Variants in SLC35F4 observed in about 807,000 individuals in gnomAD.
SLC35F4 encodes solute carrier family 35 member F4.
A neutral mutation model predicts 44.2 loss-of-function variants in SLC35F4; 24 were observed. That is an observed-to-expected ratio of 0.54 (90% CI 0.39 to 0.76). The LOEUF is 0.76. SLC35F4 is among the 30% of genes least tolerant of loss of function. The pLI is 0.00. For missense variants in SLC35F4, 562 were observed against 586.1 expected, an observed-to-expected ratio of 0.96 and a Z score of 0.42; for synonymous variants, 238 against 223.6, an observed-to-expected ratio of 1.06 and a Z score of -0.57.
intron 1 of SLC35F4, among the ~76,000 whole-genome samples, chr14:57,652,522 G>A (rs2073820760): frequency 6.6e-6 from 1 of 152,182 alleles, no homozygotes; most frequent in South Asian, 2.1e-4. Context: ...ACTGAGTCAT[G>A]TTCAGAGATG....
At chr14:57,805,045 G>C (rs1386440862) in intron 1 of SLC35F4, among the ~76,000 whole-genome samples, 5 of 152,124 alleles carry the variant, frequency 3.3e-5, no homozygotes, top group Non-Finnish European at 2.9e-5. Flanking sequence ...GATCATTAGA[G>C]AAATGAAAAT....
rs942448459 is a variant in SLC35F4, at chr14:57,576,964, T to C, written c.807+4250A>G. On this transcript the variant is annotated intron_variant, in intron 4 of 7. Transcript: ENST00000556826. ...AGCACAACCCAGCTGTCTCCTCTCT[T>C]GGCTATATTCATAAGTCATTGTCCT... 1.2e-4 allele frequency among the ~76,000 whole-genome samples: 18 copies of C among 152,234 alleles called. 1 individual carries two copies. The highest frequency in any genetic ancestry group is 4.3e-4 in the African/African-American group (18 of 41,542).
intron 1 of SLC35F4, among the ~76,000 whole-genome samples, chr14:57,642,704 C>T (rs2073307804): frequency 6.6e-6 from 1 of 151,628 alleles, no homozygotes; most frequent in Non-Finnish European, 1.5e-5. Flanking sequence ...GTATATAGGG[C>T]AGTGTCATAG....
In SLC35F4 at chr14:57,564,203, T is replaced by C. The variant is rs767821575; in HGVS notation, c.1390A>G (p.Thr464Ala). 3 of 1,613,578 alleles carry C rather than the reference T, an allele frequency of 1.9e-6. No homozygotes were observed. Among genetic ancestry groups the C allele is most frequent in the Non-Finnish European group, 2.5e-6 (3 of 1,179,824 alleles). ...CCCCGCAGGTGTATGCTGGGATCAG[T>C]CACATCATCCACATGCTCCTCACTC... ...KKSEEHVDDV[T>A]DPSIHLRGRG... The change falls in exon 8 of 8, where the codon ACT (threonine) becomes GCT (alanine). Residue 464 changes from threonine to alanine, a missense_variant. Transcript: ENST00000556826.
intron 1 of SLC35F4, among the ~76,000 whole-genome samples, chr14:57,814,386 C>G (rs1882334430): frequency 6.6e-6 from 1 of 152,158 alleles, no homozygotes; most frequent in African/African-American, 2.4e-5. Flanking sequence ...AGAGACAAAC[C>G]CAAAGACCTA....
chr14:57,710,197 G>C (rs1470313485), intron 1 of SLC35F4, among the ~76,000 whole-genome samples: 2 of 152,220 alleles, frequency 1.3e-5, no homozygotes, highest in Non-Finnish European at 2.9e-5. Flanking sequence ...GGCTAAAAGG[G>C]GCCAAGGTAC....
intron 1 of SLC35F4, among the ~76,000 whole-genome samples, chr14:57,919,209 T>C (rs568168815): frequency 2.2e-4 from 34 of 152,308 alleles, no homozygotes; most frequent in African/African-American, 6.7e-4. Context: ...CAGACTGGTA[T>C]ATGGTGAAGA....
chr14:57,825,289 G>A (rs1000312112), intron 1 of SLC35F4, among the ~76,000 whole-genome samples: 4 of 152,164 alleles, frequency 2.6e-5, no homozygotes, highest in African/African-American at 9.6e-5. Flanking sequence ...CCTTAGAAAT[G>A]TCTGGGAAAT....
chr14:57,586,650 G>A (rs1455406085), intron 3 of SLC35F4, among the ~76,000 whole-genome samples: 3 of 143,114 alleles, frequency 2.1e-5, no homozygotes, highest in Non-Finnish European at 4.5e-5. Flanking sequence ...CCCAGGAGGT[G>A]GAGCTGGCAG....
At chr14:57,836,379 G>A (rs901323744) in intron 1 of SLC35F4, among the ~76,000 whole-genome samples, 4 of 152,056 alleles carry the variant, frequency 2.6e-5, no homozygotes, top group African/African-American at 9.7e-5. Flanking sequence ...TGCAACCTCC[G>A]ACTCCCTGGT....
intron 1 of SLC35F4, among the ~76,000 whole-genome samples, chr14:57,704,596 G>C (rs1161002859): frequency 6.6e-6 from 1 of 152,102 alleles, no homozygotes; most frequent in African/African-American, 2.4e-5. Context: ...CTGACACACT[G>C]GCCCCTGTTG....
intron 1 of SLC35F4, among the ~76,000 whole-genome samples, chr14:57,698,642 C>CT (rs35036166): frequency 0.38 from 54,968 of 144,752 alleles, 10,541 homozygotes; most frequent in African/African-American, 0.49. Flanking sequence ...AAACATGTCA[C>CT]TTTTTTTTTT....
At chr14:57,746,352 A>C (rs1186522595) in intron 1 of SLC35F4, among the ~76,000 whole-genome samples, 1 of 152,094 alleles carries the variant, frequency 6.6e-6, no homozygotes, top group Non-Finnish European at 1.5e-5. Flanking sequence ...TTTTACTGAG[A>C]CTTTTCATAA....
At chr14:57,739,273 C>T (rs1289842806) in intron 1 of SLC35F4, among the ~76,000 whole-genome samples, 9 of 152,226 alleles carry the variant, frequency 5.9e-5, no homozygotes, top group Non-Finnish European at 5.9e-5. Context: ...GAAGGTCCCA[C>T]ATTCGAGACA....
At chr14:57,669,933 G>A (rs907906901) in intron 1 of SLC35F4, among the ~76,000 whole-genome samples, 6 of 152,082 alleles carry the variant, frequency 3.9e-5, no homozygotes, top group Non-Finnish European at 7.3e-5. Context: ...ACCTCTGGTA[G>A]AATTCGGCTA....
At chr14:57,590,324 T>C (rs946707672) in intron 2 of SLC35F4, among the ~76,000 whole-genome samples, 1 of 151,970 alleles carries the variant, frequency 6.6e-6, no homozygotes, top group Non-Finnish European at 1.5e-5. Context: ...GCCCAGGAGT[T>C]TGAGGCTGCA....
chr14:57,937,595 GAAAAGAAAAGAAAAGAAAAGAA>G lies in SLC35F4; in HGVS notation n.282+44296_282+44317del. Among the ~76,000 whole-genome samples, 2 of 59,318 alleles carry G rather than the reference GAAAAGAAAAGAAAAGAAAAGAA, an allele frequency of 3.4e-5. 1 individual carries two copies. Among genetic ancestry groups the G allele is most frequent in the Middle Eastern group, 0.015 (2 of 130 alleles). 38.9% of individuals were successfully genotyped at this position (59,318 alleles called of 152,430 possible). On this transcript the variant is annotated intron_variant and non_coding_transcript_variant, in intron 1 of 1. Coordinates refer to the SLC35F4 transcript ENST00000556568. ...AAAAGAGAAAAGAAAAGAAAGAAAA[GAAAAGAAAAGAAAAGAAAAGAA>G]AAGAAAAGAAAAGAAAAGAAAAGAA...
intron 1 of SLC35F4, among the ~76,000 whole-genome samples, chr14:57,646,929 GT>G (rs1321946172): frequency 6.6e-6 from 1 of 152,168 alleles, no homozygotes; most frequent in African/African-American, 2.4e-5. Flanking sequence ...TAGTTGAGCG[GT>G]TTTGAGTGAG....
At chr14:57,831,246 T>C (rs115964864) in intron 1 of SLC35F4, among the ~76,000 whole-genome samples, 1,922 of 152,258 alleles carry the variant, frequency 0.013, 43 homozygotes, top group African/African-American at 0.042. Flanking sequence ...CCCTGCCATG[T>C]GAGAATATAG....
Sources: allele counts gnomAD v4.1 joint callset (sites outside exome capture counted in the v4.1 genomes callset), GRCh38; gene constraint gnomAD v4.1.1; transcripts MANE v1.5; gene names NCBI Gene and HGNC (gene_info 2026-07-23, HGNC 2026-07-21).